Variants in WDR70 observed in about 807,000 individuals in gnomAD.
The protein encoded by WDR70 is WD repeat-containing protein 70.
In WDR70, 53 loss-of-function variants were observed where a neutral mutation model predicts 88.6. That is an observed-to-expected ratio of 0.60 (90% CI 0.48 to 0.75). The LOEUF is 0.75. Among genes scored for constraint, WDR70 ranks in the 30% least tolerant of loss-of-function variants. The pLI is 0.00. For synonymous variants in WDR70, 280 were observed against 270.0 expected, an observed-to-expected ratio of 1.04 and a Z score of -0.36; for missense variants, 610 against 823.2, an observed-to-expected ratio of 0.74 and a Z score of 3.17.
chr5:37,596,937 AT>A (rs749286547), intron 9 of WDR70, among the ~76,000 whole-genome samples: 107 of 152,298 alleles, frequency 7.0e-4, no homozygotes, highest in Admixed American at 1.9e-3. Flanking sequence ...CTTGTTCAGA[AT>A]GTTAATATAA....
chr5:37,417,291 A>G (rs1749789286), intron 5 of WDR70, among the ~76,000 whole-genome samples: 1 of 152,058 alleles, frequency 6.6e-6, no homozygotes, highest in Admixed American at 6.6e-5. Flanking sequence ...TGGCATGCTC[A>G]CTACTCAGCT....
At chr5:37,490,161 A>G (rs1052197129) in intron 8 of WDR70, among the ~76,000 whole-genome samples, 10 of 152,132 alleles carry the variant, frequency 6.6e-5, no homozygotes, top group African/African-American at 2.4e-4. Context: ...GCAGTGTGAT[A>G]GAGAGCACTG....
rs779128844 is a variant in WDR70 at position 37,721,074 on chromosome 5, A to G, written c.1417-41A>G. 1.8e-5 allele frequency: 29 copies of G among 1,574,172 alleles called. No homozygotes were observed. The Admixed American group carries it at 4.7e-4, about 25-fold the overall frequency. On this transcript the variant is annotated intron_variant, in intron 13 of 17. Transcript: ENST00000265107. ...TACCAGCAGGATTGTTTCCATTTTT[A>G]TCTGGCCTCTTTAGTCAACCACTGC...
intron 7 of WDR70, among the ~76,000 whole-genome samples, chr5:37,474,664 C>G (rs752396699): frequency 1.3e-5 from 2 of 152,110 alleles, no homozygotes; most frequent in Non-Finnish European, 2.9e-5. Context: ...CACCGATTAA[C>G]CCATCACCTA....
intron 8 of WDR70, 44 bp from the exon 9 acceptor site, chr5:37,516,470 C>A: frequency 1.6e-6 from 2 of 1,262,052 alleles, no homozygotes; most frequent in Non-Finnish European, 2.2e-6. Flanking sequence ...TTATTTTTTA[C>A]CTTTTTAAAA....
intron 10 of WDR70, among the ~76,000 whole-genome samples, chr5:37,623,612 A>G (rs1236077097): frequency 6.6e-6 from 1 of 152,186 alleles, no homozygotes; most frequent in Non-Finnish European, 1.5e-5. Context: ...AATACCAGCT[A>G]TTATGAGTAT....
At chr5:37,397,314 A>G (rs546405358) in intron 5 of WDR70, among the ~76,000 whole-genome samples, 12 of 152,206 alleles carry the variant, frequency 7.9e-5, no homozygotes, top group African/African-American at 2.9e-4. Flanking sequence ...TGTTAAATCT[A>G]CGTATGCGGC....
Position 37,392,016 on chromosome 5 carries a change from G to A in WDR70, c.192G>A (p.Glu64=). 2.5e-6 allele frequency: 4 copies of A among 1,600,728 alleles called. No individual in the cohort carries two copies. The highest frequency in any genetic ancestry group is 3.4e-6 in the Non-Finnish European group (4 of 1,176,822). ...TCTTTTCAGAAGCAAGAGAAAAAGA[G>A]GAAGAAATGAACAGAGAGAAAGAAT... The part of the protein sequence containing the change: ...SRKTLEAREK[E]EEMNREKELR... The change falls in exon 4 of 18, where the codon GAG becomes GAA. Residue 64 remains glutamate, a synonymous_variant. Coordinates refer to ENST00000265107, the MANE Select transcript of WDR70 (RefSeq NM_018034.4).
chr5:37,736,645 G>C (rs1377973145), intron 17 of WDR70, among the ~76,000 whole-genome samples: 10 of 150,674 alleles, frequency 6.6e-5, no homozygotes, highest in African/African-American at 1.7e-4. Flanking sequence ...TTTTGCGGTG[G>C]GGGGGTTGTT....
At chr5:37,711,768 A>T (rs1481301723) in intron 13 of WDR70, among the ~76,000 whole-genome samples, 3 of 152,192 alleles carry the variant, frequency 2.0e-5, no homozygotes, top group Non-Finnish European at 4.4e-5. Flanking sequence ...TAAGGGCATC[A>T]TCATATTACT....
chr5:37,739,651 A>G (rs1215297652), intron 17 of WDR70, among the ~76,000 whole-genome samples: 2 of 149,280 alleles, frequency 1.3e-5, no homozygotes, highest in Non-Finnish European at 3.0e-5. Flanking sequence ...TTTCTTTTTC[A>G]TATATATATA....
chr5:37,530,281 T>G (rs1017866239), intron 9 of WDR70, among the ~76,000 whole-genome samples: 5 of 152,130 alleles, frequency 3.3e-5, no homozygotes, highest in Admixed American at 6.5e-5. Context: ...TTTTGTTATG[T>G]CCTTCCCTAT....
intron 9 of WDR70, among the ~76,000 whole-genome samples, chr5:37,574,222 T>C (rs1375697300): frequency 6.6e-6 from 1 of 152,182 alleles, no homozygotes; most frequent in East Asian, 1.9e-4. Flanking sequence ...CAGGTCATAC[T>C]ACCCACAGTG....
At chr5:37,500,409 G>A (rs1211924169) in intron 8 of WDR70, among the ~76,000 whole-genome samples, 1 of 152,160 alleles carries the variant, frequency 6.6e-6, no homozygotes, top group South Asian at 2.1e-4. Flanking sequence ...AAGTGTGCAC[G>A]TGTTTTTTTG....
At chr5:37,669,024 C>T (rs1745944770) in intron 10 of WDR70, among the ~76,000 whole-genome samples, 1 of 152,142 alleles carries the variant, frequency 6.6e-6, no homozygotes, top group Non-Finnish European at 1.5e-5. Flanking sequence ...CATTCTTAGC[C>T]ATTTTGGTGC....
intron 7 of WDR70, among the ~76,000 whole-genome samples, chr5:37,447,444 C>A (rs575176797): frequency 6.6e-6 from 1 of 152,248 alleles, no homozygotes; most frequent in East Asian, 1.9e-4. Context: ...TGGTTATATA[C>A]CCAAAGGATT....
At chr5:37,637,601 A>G (rs1287153167) in intron 10 of WDR70, among the ~76,000 whole-genome samples, 1 of 152,132 alleles carries the variant, frequency 6.6e-6, no homozygotes, top group Non-Finnish European at 1.5e-5. Flanking sequence ...TTGGTCTTTA[A>G]CATTCCTGAG....
intron 3 of WDR70, among the ~76,000 whole-genome samples, chr5:37,389,773 G>A (rs1356365074): frequency 1.3e-5 from 2 of 152,028 alleles, no homozygotes; most frequent in Admixed American, 1.3e-4. Context: ...TAGCATCAGA[G>A]TGCAGAATTG....
intron 17 of WDR70, among the ~76,000 whole-genome samples, chr5:37,752,251 T>C (rs944280160): frequency 7.2e-5 from 11 of 152,188 alleles, no homozygotes; most frequent in African/African-American, 2.2e-4. Context: ...AAGAACAGTG[T>C]GTATGTACAG....
Sources: gnomAD v4.1 joint callset for allele counts (sites outside exome capture counted in the v4.1 genomes callset) on GRCh38, gnomAD v4.1.1 for gene constraint, MANE v1.5 for transcripts, NCBI Gene and HGNC (gene_info 2026-07-23, HGNC 2026-07-21) for gene names.